NRG1: variants seen among roughly 807,000 people sequenced by gnomAD.
The protein encoded by NRG1 is neuregulin 1, also known as pro-neuregulin-1, membrane-bound isoform.
NRG1 carries 18 observed loss-of-function variants against 63.8 expected under a neutral mutation model. The observed-to-expected ratio is 0.28, with a 90% CI of 0.19 to 0.42. The LOEUF (loss-of-function observed/expected upper bound fraction) is 0.42, where lower values mean the gene tolerates loss of function less well. NRG1 is among the 10% of genes least tolerant of loss of function. NRG1 has a pLI of 1.00. For synonymous variants in NRG1, 302 were observed against 301.3 expected, an observed-to-expected ratio of 1.00 and a Z score of -0.02; for missense variants, 762 against 814.7, an observed-to-expected ratio of 0.94 and a Z score of 0.79.
intron 1 of NRG1, among the ~76,000 whole-genome samples, chr8:32,461,222 A>G (rs1822267413): frequency 6.6e-6 from 1 of 152,202 alleles, no homozygotes; most frequent in Admixed American, 6.5e-5. Context: ...AAGTTTAGGT[A>G]TAAATAAGAA....
rs1255753633 is a variant in NRG1 at position 31,639,684 on chromosome 8, T to TG, written c.37+259dup. 1.6e-5 allele frequency: 22 copies of TG among 1,395,690 alleles called. No homozygotes were observed. In the Admixed American group the frequency reaches 1.6e-4, roughly 10 times the overall value. The allele number at this position is 1,395,690 out of a possible 1,614,324, so 86.5% of individuals were successfully genotyped here. ...TCGGGCGCGGCGGCGGCGCGGGGGG[T>TG]GGGGGGACCTGTCACTCCCTGTAAC... On this transcript the variant is annotated intron_variant, in intron 1 of 10. Coordinates refer to the NRG1 transcript ENST00000519301.
chr8:31,683,358 T>G (rs1279453251), intron 1 of NRG1, among the ~76,000 whole-genome samples: 1 of 152,098 alleles, frequency 6.6e-6, no homozygotes, highest in African/African-American at 2.4e-5. Flanking sequence ...TACTATTCAG[T>G]GCTATCAGTG....
chr8:32,344,366 C>CTT (rs768165747), intron 1 of NRG1, among the ~76,000 whole-genome samples: 2,286 of 53,418 alleles, frequency 0.043, 103 homozygotes, highest in East Asian at 0.22. Context: ...TTCTTTCTTT[C>CTT]TTTCTTTCTT....
At chr8:31,701,278 T>A (rs1311274673) in intron 1 of NRG1, among the ~76,000 whole-genome samples, 1 of 152,112 alleles carries the variant, frequency 6.6e-6, no homozygotes, top group Non-Finnish European at 1.5e-5. Context: ...TTCCTTCCCC[T>A]ATCACTAAGA....
At chr8:31,698,284 G>A (rs550368321) in intron 1 of NRG1, among the ~76,000 whole-genome samples, 70 of 152,288 alleles carry the variant, frequency 4.6e-4, no homozygotes, top group Admixed American at 4.6e-4. Context: ...AGGCAGACAA[G>A]CTCGAGCTGA....
chr8:32,537,796 T>C (rs1429028823), intron 1 of NRG1, among the ~76,000 whole-genome samples: 2 of 152,206 alleles, frequency 1.3e-5, no homozygotes, highest in East Asian at 1.9e-4. Flanking sequence ...CTCGGTCAGA[T>C]ACACCAGTGC....
intron 1 of NRG1, among the ~76,000 whole-genome samples, chr8:31,970,343 A>T (rs1341451358): frequency 6.6e-6 from 1 of 152,096 alleles, no homozygotes; most frequent in Non-Finnish European, 1.5e-5. Context: ...CCTTAAGTTC[A>T]TTTCCTGCTA....
intron 1 of NRG1, among the ~76,000 whole-genome samples, chr8:32,538,132 G>A (rs1832213643): frequency 6.6e-6 from 1 of 152,138 alleles, no homozygotes; most frequent in Admixed American, 6.5e-5. Context: ...GATTACAGGT[G>A]TGAGCCACTG....
chr8:31,941,498 A>G (rs187330549), intron 1 of NRG1, among the ~76,000 whole-genome samples: 99 of 152,156 alleles, frequency 6.5e-4, no homozygotes, highest in African/African-American at 2.3e-3. Context: ...AAGGATGCCC[A>G]CTTTCACCAC....
intron 1 of NRG1, among the ~76,000 whole-genome samples, chr8:31,967,293 T>G (rs1168835944): frequency 1.3e-5 from 2 of 152,156 alleles, no homozygotes; most frequent in Non-Finnish European, 2.9e-5. Context: ...CTAGTCTCTA[T>G]TTCCCCTTTT....
intron 1 of NRG1, among the ~76,000 whole-genome samples, chr8:32,252,140 T>C (rs1849187556): frequency 6.6e-6 from 1 of 152,170 alleles, no homozygotes; most frequent in Admixed American, 6.6e-5. Flanking sequence ...TCTCATTCTG[T>C]AGGTTGCCTG....
At chr8:32,000,086 G>C (rs1812672712) in intron 1 of NRG1, among the ~76,000 whole-genome samples, 1 of 152,036 alleles carries the variant, frequency 6.6e-6, no homozygotes, top group African/African-American at 2.4e-5. Flanking sequence ...GCAGAAGGTA[G>C]CTATGAAAGG....
At chr8:32,659,717 C>G (rs1195178814) in intron 5 of NRG1, among the ~76,000 whole-genome samples, 2 of 152,170 alleles carry the variant, frequency 1.3e-5, no homozygotes, top group African/African-American at 4.8e-5. Flanking sequence ...TTCCCTAACT[C>G]CAGCTGTCTC....
At chr8:31,928,742 G>A (rs900145972) in intron 1 of NRG1, among the ~76,000 whole-genome samples, 1 of 151,998 alleles carries the variant, frequency 6.6e-6, no homozygotes, top group African/African-American at 2.4e-5. Flanking sequence ...TAGAACTAGA[G>A]GCCATTATTC....
chr8:31,896,683 A>G (rs1324537804), intron 1 of NRG1, among the ~76,000 whole-genome samples: 1 of 152,178 alleles, frequency 6.6e-6, no homozygotes, highest in African/African-American at 2.4e-5. Flanking sequence ...ACAAGTTTCC[A>G]TGTGGTCCTC....
intron 5 of NRG1, among the ~76,000 whole-genome samples, chr8:32,644,270 A>C (rs547466589): frequency 6.6e-6 from 1 of 152,296 alleles, no homozygotes; most frequent in Non-Finnish European, 1.5e-5. Context: ...GAGGACATGG[A>C]AATGGGGTGT....
In NRG1 at chr8:31,969,173, T is replaced by C. The variant is rs556872012; in HGVS notation, c.37+329742T>C. On this transcript the variant is annotated intron_variant, in intron 1 of 10. Coordinates refer to the NRG1 transcript ENST00000519301. ...ATTCCTTCCATCTGTCTACTTTCAG[T>C]TTATTTTACTTTATTTTTTAGTAAC... Among the ~76,000 whole-genome samples, 24 of 152,302 alleles carry C rather than the reference T, an allele frequency of 1.6e-4. No homozygotes were observed. The South Asian group carries it at 4.4e-3, about 28-fold the overall frequency.
intron 1 of NRG1, among the ~76,000 whole-genome samples, chr8:32,289,657 T>TC (rs1853959905): frequency 6.6e-6 from 1 of 152,184 alleles, no homozygotes; most frequent in Admixed American, 6.6e-5. Flanking sequence ...TTTAAACACT[T>TC]AAAGCTTGAT....
At chr8:32,436,706 C>T (rs1818837162) in intron 1 of NRG1, among the ~76,000 whole-genome samples, 1 of 152,132 alleles carries the variant, frequency 6.6e-6, no homozygotes, top group East Asian at 1.9e-4. Flanking sequence ...TGCATTGGAT[C>T]CATGTGAATG....
Sources: gnomAD v4.1 joint callset for allele counts (sites outside exome capture counted in the v4.1 genomes callset) on GRCh38, gnomAD v4.1.1 for gene constraint, MANE v1.5 for transcripts, NCBI Gene and HGNC (gene_info 2026-07-23, HGNC 2026-07-21) for gene names.